Variants in SEMA4D observed in about 807,000 individuals in gnomAD.
SEMA4D encodes the protein semaphorin 4D, also known as semaphorin-4D.
SEMA4D carries 22 observed loss-of-function variants against 74.8 expected under a neutral mutation model. The ratio of observed to expected loss-of-function variants is 0.29; its 90% CI spans 0.21 to 0.42. The LOEUF is 0.42. SEMA4D is among the 10% of genes least tolerant of loss of function. The pLI is 1.00. For missense variants in SEMA4D, 937 were observed against 1,118.4 expected (o/e 0.84, Z 2.31); for synonymous variants, 445 against 463.7 (o/e 0.96, Z 0.52).
chr9:89,376,118 G>A (rs1015282950), downstream of SEMA4D, among the ~76,000 whole-genome samples: 5 of 152,314 alleles, frequency 3.3e-5, no homozygotes, highest in South Asian at 2.1e-4. Flanking sequence ...GATTATGCCC[G>A]CCAATCTTTT....
At chr9:89,371,932 GT>G (rs1834992276) in intron 16 of SEMA4D, among the ~76,000 whole-genome samples, 1 of 118,024 alleles carries the variant, frequency 8.5e-6, no homozygotes, top group African/African-American at 3.3e-5. Context: ...TGTGGTGTGT[GT>G]GGGGTGTGGT....
chr9:89,462,421 C>T (rs1857467639), intron 1 of SEMA4D, among the ~76,000 whole-genome samples: 1 of 152,174 alleles, frequency 6.6e-6, no homozygotes, highest in South Asian at 2.1e-4. Flanking sequence ...AATGCTCTTC[C>T]TTTATAACAA....
intron 2 of SEMA4D, among the ~76,000 whole-genome samples, chr9:89,437,255 C>G (rs1283554141): frequency 6.6e-6 from 1 of 152,176 alleles, no homozygotes; most frequent in Admixed American, 6.5e-5. Context: ...AAGTGTGGCT[C>G]GTGCAGCTCT....
chr9:89,391,324 C>T lies in SEMA4D; in HGVS notation c.714G>A (p.Val238=), dbSNP rs761979360. 2.5e-5 allele frequency: 40 copies of T among 1,614,140 alleles called. No individual in the cohort carries two copies. The highest frequency in any genetic ancestry group is 3.3e-5 in the Admixed American group (2 of 60,012). The change falls in exon 9 of 16, where the codon GTG becomes GTA. Residue 238 remains valine (V), a synonymous_variant. Coordinates refer to ENST00000422704, the MANE Select transcript of SEMA4D (RefSeq NM_001371194.2). Reference sequence around the variant, plus strand: ...TGAACACAAACTCATACTCCACAGACACCTCCGTGAAGAAGAAGTAGACCC... The same window carrying T: ...TGAACACAAACTCATACTCCACAGATACCTCCGTGAAGAAGAAGTAGACCC... ...DDRVYFFFTE[V]SVEYEFVFRV... is the part of the protein sequence containing the mutation.
intron 1 of SEMA4D, among the ~76,000 whole-genome samples, chr9:89,475,465 G>A (rs1311005870): frequency 6.6e-6 from 1 of 152,212 alleles, no homozygotes; most frequent in Non-Finnish European, 1.5e-5. Flanking sequence ...CACACGGCCA[G>A]TGACCTGAGT....
chr9:89,448,891 GA>G (rs1229091173), intron 2 of SEMA4D, among the ~76,000 whole-genome samples: 1 of 152,226 alleles, frequency 6.6e-6, no homozygotes, highest in Non-Finnish European at 1.5e-5. Context: ...CAAAGCAAGT[GA>G]AGGTCAGGGC....
At chr9:89,385,870 GCCCA>G in intron 13 of SEMA4D, 61 of 282,516 alleles carry the variant, frequency 2.2e-4, no homozygotes, top group Non-Finnish European at 2.6e-4. Context: ...GTGGATGCCC[GCCCA>G]CCCACCCCTG....
chr9:89,457,616 C>T (rs1485460730), intron 1 of SEMA4D, among the ~76,000 whole-genome samples: 2 of 152,026 alleles, frequency 1.3e-5, no homozygotes, highest in South Asian at 2.1e-4. Flanking sequence ...CCTGTAGTCC[C>T]GGCTACTCGA....
At chr9:89,455,211 C>T (rs534774958) in intron 2 of SEMA4D, among the ~76,000 whole-genome samples, 8 of 152,364 alleles carry the variant, frequency 5.3e-5, no homozygotes, top group African/African-American at 7.2e-5. Context: ...TGACAGGGCC[C>T]GTGTGGCCTG....
chr9:89,435,847 C>G (rs560947722), intron 2 of SEMA4D, among the ~76,000 whole-genome samples: 2 of 152,208 alleles, frequency 1.3e-5, no homozygotes, highest in Non-Finnish European at 2.9e-5. Flanking sequence ...AGAGAAACTT[C>G]GAGATAAATG....
intron 2 of SEMA4D, among the ~76,000 whole-genome samples, chr9:89,443,252 GAGA>G (rs1340603125): frequency 1.3e-5 from 2 of 152,170 alleles, no homozygotes; most frequent in African/African-American, 2.4e-5. Flanking sequence ...AGGTGCTCTG[GAGA>G]AGAACGGATG....
intron 2 of SEMA4D, chr9:89,405,933 G>C: frequency 5.1e-6 from 6 of 1,172,416 alleles, no homozygotes; most frequent in Non-Finnish European, 6.3e-6. Flanking sequence ...TACCAGCCCA[G>C]AACACAGGAC....
chr9:89,439,585 C>G (rs1332588471), intron 2 of SEMA4D, among the ~76,000 whole-genome samples: 1 of 152,172 alleles, frequency 6.6e-6, no homozygotes, highest in Admixed American at 6.5e-5. Flanking sequence ...TGCAAAGAAG[C>G]TAATGGTTTC....
At chr9:89,442,448 G>T (rs539888533) in intron 2 of SEMA4D, among the ~76,000 whole-genome samples, 20 of 152,134 alleles carry the variant, frequency 1.3e-4, no homozygotes, top group Admixed American at 9.2e-4. Context: ...AGAAAAAATT[G>T]TAAGAAAACC....
At position 89,492,453 on chromosome 9, in the gene SEMA4D, C is replaced by A. The variant is rs1825704752; in HGVS notation, c.-310+5466G>T. Among the ~76,000 whole-genome samples the A allele has an allele frequency of 6.6e-6, 1 of 152,070 alleles. No homozygotes were observed. The highest frequency in any genetic ancestry group is 6.5e-5 in the Admixed American group (1 of 15,274). On this transcript the variant is annotated intron_variant, in intron 1 of 15. Coordinates refer to ENST00000422704, the MANE Select transcript of SEMA4D (RefSeq NM_001371194.2). This position sits in a 1 kb window ranked among gnomAD's most constrained non-coding sequence, Gnocchi z 4.3. ...CATCTCTATAGCTACAATATATTGC[C>A]AAGATTAGGGTCCCAGCTCAGAGCA...
At chr9:89,437,198 C>T (rs930613417) in intron 2 of SEMA4D, among the ~76,000 whole-genome samples, 1 of 152,206 alleles carries the variant, frequency 6.6e-6, no homozygotes, top group Non-Finnish European at 1.5e-5. Flanking sequence ...CCAGCATGCC[C>T]ACCCCCATGA....
chr9:89,362,826 GCA>G (rs35101833), intron 18 of SEMA4D, among the ~76,000 whole-genome samples: 2 of 152,092 alleles, frequency 1.3e-5, no homozygotes, highest in African/African-American at 4.8e-5. Flanking sequence ...GCAGGTGGTA[GCA>G]CACAGTGATG....
At chr9:89,363,365 G>A (rs904947853) in intron 18 of SEMA4D, 190 of 1,594,808 alleles carry the variant, frequency 1.2e-4, no homozygotes, top group Non-Finnish European at 1.6e-4. Flanking sequence ...AAGATCCACT[G>A]GATGTGGCAG....
chr9:89,370,830 TG>T (rs1024133810), intron 16 of SEMA4D, among the ~76,000 whole-genome samples: 1 of 130,300 alleles, frequency 7.7e-6, no homozygotes, highest in Non-Finnish European at 1.6e-5. Context: ...GGTGTGTGTC[TG>T]GGGTGCGGTG....
Sources: allele counts gnomAD v4.1 joint callset (sites outside exome capture counted in the v4.1 genomes callset), GRCh38; gene constraint gnomAD v4.1.1; non-coding constraint Gnocchi (gnomAD v3.1); transcripts MANE v1.5; gene names NCBI Gene and HGNC (gene_info 2026-07-23, HGNC 2026-07-21).